The following ACAD10 variants were observed in gnomAD, a reference collection of about 807,000 sequenced individuals.
The protein encoded by ACAD10 is acyl-CoA dehydrogenase family member 10.
ACAD10 carries 112 observed loss-of-function variants against 116.8 expected under a neutral mutation model. That is an observed-to-expected ratio of 0.96 (90% CI 0.82 to 1.12). The LOEUF is 1.12. Among genes scored for constraint, ACAD10 ranks in the 50% most tolerant of loss-of-function variants. ACAD10 has a pLI of 0.00. For missense variants in ACAD10, 1,259 were observed against 1,350.2 expected, an observed-to-expected ratio of 0.93 and a Z score of 1.06; for synonymous variants, 486 against 510.6, an observed-to-expected ratio of 0.95 and a Z score of 0.65.
intron 2 of ACAD10, among the ~76,000 whole-genome samples, chr12:111,701,960 C>G (rs775011787): frequency 6.6e-6 from 1 of 152,190 alleles, no homozygotes; most frequent in Non-Finnish European, 1.5e-5. Flanking sequence ...GCAGTGTGCT[C>G]TCTGTTGTAC....
Position 111,702,282 on chromosome 12 carries a change from G to A in ACAD10, c.308G>A (p.Arg103Gln), listed in dbSNP as rs554523146. The A allele has an allele frequency of 3.7e-6, 6 of 1,614,122 alleles. No homozygotes were observed. Among genetic ancestry groups the A allele is most frequent in the Non-Finnish European group, 4.2e-6 (5 of 1,180,006 alleles). ...GAAATAACAGCAGAGGGTTTTTTAC[G>A]AGAATTTGGGAGACTTTGCTCTGAA... is the stretch of plus-strand genomic sequence containing the variant. ...RAEITAEGFL[R>Q]EFGRLCSEML... Residue 103 changes from arginine (R) to glutamine (Q), a missense_variant, in exon 3 of 21, where the codon CGA becomes CAA. Physicochemically the swap from Arg to Gln is conservative, Grantham distance 43 (BLOSUM62 1). Transcript: ENST00000313698.
intron 5 of ACAD10, 142 bp from the exon 6 acceptor site, chr12:111,712,355 TC>T: frequency 1.4e-6 from 1 of 728,072 alleles, no homozygotes; most frequent in East Asian, 2.9e-5. Context: ...TGGCACCTGT[TC>T]AATATATATT....
At chr12:111,723,232 G>A (rs1285674816) in intron 8 of ACAD10, among the ~76,000 whole-genome samples, 11 of 134,798 alleles carry the variant, frequency 8.2e-5, no homozygotes, top group South Asian at 7.3e-4. Context: ...GCGGCTGGCC[G>A]GGCAGAGGGG....
At chr12:111,707,316 A>C (rs1045207376) in intron 4 of ACAD10, among the ~76,000 whole-genome samples, 1 of 142,002 alleles carries the variant, frequency 7.0e-6, no homozygotes, top group African/African-American at 2.6e-5. Context: ...GGGTGGTCTC[A>C]AACTTCAGAC....
chr12:111,711,401 CTG>C (rs771584514), intron 5 of ACAD10, among the ~76,000 whole-genome samples: 2 of 151,918 alleles, frequency 1.3e-5, no homozygotes, highest in African/African-American at 4.8e-5. Context: ...CAGGGTTTCA[CTG>C]TGTTAGCTAG....
chr12:111,717,765 G>T (rs1166797701), intron 7 of ACAD10, among the ~76,000 whole-genome samples: 1 of 151,950 alleles, frequency 6.6e-6, no homozygotes, highest in African/African-American at 2.4e-5. Context: ...TCACTATATT[G>T]CCTGAACTCT....
At chr12:111,712,943 C>CTGCA (rs1384575388) in intron 6 of ACAD10, among the ~76,000 whole-genome samples, 2 of 152,206 alleles carry the variant, frequency 1.3e-5, no homozygotes, top group African/African-American at 4.8e-5. Flanking sequence ...AACTTGGGGA[C>CTGCA]TGCAGTGTGT....
intron 12 of ACAD10, among the ~76,000 whole-genome samples, chr12:111,740,149 A>G (rs950180635): frequency 1.3e-5 from 2 of 151,622 alleles, no homozygotes; most frequent in African/African-American, 2.4e-5. Flanking sequence ...TCTCCTCTCT[A>G]CTCCTGTGTG....
chr12:111,716,012 A>T (rs1387304868), intron 7 of ACAD10, 50 bp downstream of exon 7: 2 of 1,609,830 alleles, frequency 1.2e-6, no homozygotes, highest in East Asian at 4.5e-5. Context: ...TCCACTGTGC[A>T]CAAGCTCAGC....
intron 8 of ACAD10, among the ~76,000 whole-genome samples, chr12:111,723,415 G>A (rs1194652887): frequency 1.5e-5 from 2 of 134,388 alleles, no homozygotes; most frequent in East Asian, 2.4e-4. Context: ...GGCCGGGCGG[G>A]GGGCTGACCC....
intron 5 of ACAD10, among the ~76,000 whole-genome samples, 153 bp from the exon 6 acceptor site, chr12:111,712,345 T>A (rs1261895162): frequency 6.6e-6 from 1 of 152,232 alleles, no homozygotes; most frequent in East Asian, 1.9e-4. Flanking sequence ...GATTGACTGC[T>A]GGCACCTGTT....
chr12:111,688,042 T>C (rs1887927846), intron 1 of ACAD10: 1 of 151,358 alleles, frequency 6.6e-6, no homozygotes, highest in Non-Finnish European at 1.5e-5. Flanking sequence ...ATTTTTGTAT[T>C]TTTTTTTAGA....
chr12:111,709,602 T>A lies in ACAD10; in HGVS notation c.608T>A (p.Leu203Gln), dbSNP rs1306242921. 6.2e-7 allele frequency: 1 copy of A among 1,614,006 alleles called. No homozygotes were observed. Among genetic ancestry groups the A allele is most frequent in the East Asian group, 2.2e-5 (1 of 44,894 alleles). Residue 203 changes from leucine (L) to glutamine (Q), a missense_variant, in exon 5 of 21, where the codon CTG becomes CAG. Transcript: ENST00000313698. ...AAGCTGTGCTTGGAGCAGCTCGGCC[T>A]GCAGCCCTCTGAGTCCATCTTTCTT... is the stretch of plus-strand genomic sequence containing the variant. Reference protein sequence around the residue: ...IYKLCLEQLGLQPSESIFLDD... With the variant: ...IYKLCLEQLGQQPSESIFLDD...
intron 4 of ACAD10, among the ~76,000 whole-genome samples, chr12:111,706,377 C>A (rs1454003077): frequency 6.6e-6 from 1 of 152,182 alleles, no homozygotes; most frequent in East Asian, 1.9e-4. Flanking sequence ...ATGTGTGTAT[C>A]CCAACCTGTC....
At chr12:111,716,934 C>T (rs1480960597) in intron 7 of ACAD10, among the ~76,000 whole-genome samples, 2 of 152,086 alleles carry the variant, frequency 1.3e-5, no homozygotes, top group Non-Finnish European at 2.9e-5. Context: ...ATTAAGTAAA[C>T]CTTGGTATAT....
chr12:111,718,189 A>G (rs1327245863), intron 7 of ACAD10, among the ~76,000 whole-genome samples: 1 of 151,830 alleles, frequency 6.6e-6, no homozygotes, highest in Non-Finnish European at 1.5e-5. Flanking sequence ...AACAGGGATT[A>G]TAGTCACACG....
chr12:111,694,502 C>A (rs1231869843), intron 2 of ACAD10, among the ~76,000 whole-genome samples: 1 of 151,588 alleles, frequency 6.6e-6, no homozygotes, highest in African/African-American at 2.4e-5. Flanking sequence ...TTTAGAGAAC[C>A]TGTCTCTAAA....
At chr12:111,731,773 G>T (rs1239232511) in intron 10 of ACAD10, among the ~76,000 whole-genome samples, 2 of 152,162 alleles carry the variant, frequency 1.3e-5, no homozygotes, top group Non-Finnish European at 2.9e-5. Flanking sequence ...ATAAACTGCT[G>T]CAGCTACTTT....
At chr12:111,697,003 C>T (rs1888206319) in intron 2 of ACAD10, among the ~76,000 whole-genome samples, 2 of 152,014 alleles carry the variant, frequency 1.3e-5, no homozygotes, top group Non-Finnish European at 2.9e-5. Context: ...ATGGCGTGCA[C>T]CCAGGAGGCA....
Sources: allele counts gnomAD v4.1 joint callset (sites outside exome capture counted in the v4.1 genomes callset), GRCh38; gene constraint gnomAD v4.1.1; transcripts MANE v1.5; gene names NCBI Gene and HGNC (gene_info 2026-07-23, HGNC 2026-07-21).